The following ASIC2 variants were observed in gnomAD, a reference collection of about 807,000 sequenced individuals.
ASIC2 encodes the protein acid sensing ion channel subunit 2, also known as acid-sensing ion channel 2.
ASIC2 carries 25 observed loss-of-function variants against 57.3 expected under a neutral mutation model. That is an observed-to-expected ratio of 0.44 (90% CI 0.32 to 0.61). The LOEUF (loss-of-function observed/expected upper bound fraction) is 0.61. Ranked by LOEUF, ASIC2 falls within the 20% of genes least tolerant of loss-of-function variation. ASIC2 has a pLI of 0.06. For missense variants in ASIC2, 641 were observed against 738.1 expected (o/e 0.87, Z 1.52); for synonymous variants, 319 against 307.5 (o/e 1.04, Z -0.39).
At chr17:33,517,324 C>T (rs1032506447) in intron 1 of ASIC2, among the ~76,000 whole-genome samples, 2 of 152,164 alleles carry the variant, frequency 1.3e-5, no homozygotes, top group Admixed American at 1.3e-4. Flanking sequence ...CCATGTTGGC[C>T]AGGCTGGTCT....
At chr17:34,118,408 CTA>C (rs1258585238) in intron 1 of ASIC2, 2 of 152,094 alleles carry the variant, frequency 1.3e-5, no homozygotes, top group East Asian at 3.9e-4. Context: ...TTGGAGGAGA[CTA>C]TTGATCAGAG....
intron 1 of ASIC2, among the ~76,000 whole-genome samples, chr17:33,301,178 C>A (rs1005535435): frequency 2.0e-5 from 3 of 151,728 alleles, no homozygotes; most frequent in East Asian, 1.9e-4. Flanking sequence ...CACAGGTGTG[C>A]ACCACCATGC....
chr17:33,242,313 CAAA>C (rs34667054), intron 1 of ASIC2, among the ~76,000 whole-genome samples: 36 of 110,850 alleles, frequency 3.2e-4, no homozygotes, highest in Non-Finnish European at 3.4e-4. Flanking sequence ...GAGACTCCGT[CAAA>C]AAAAAAAAAA....
At chr17:33,149,266 G>A (rs1165780765) in intron 1 of ASIC2, among the ~76,000 whole-genome samples, 1 of 152,098 alleles carries the variant, frequency 6.6e-6, no homozygotes. Context: ...TAATGTTTTG[G>A]TGTTTTTCCA....
intron 3 of ASIC2, among the ~76,000 whole-genome samples, chr17:33,035,115 T>C (rs551146305): frequency 6.6e-6 from 1 of 152,320 alleles, no homozygotes; most frequent in East Asian, 1.9e-4. Flanking sequence ...ATTGATTCCA[T>C]GCAACAATTT....
At chr17:33,764,954 G>T (rs1442704657) in intron 1 of ASIC2, among the ~76,000 whole-genome samples, 1 of 152,102 alleles carries the variant, frequency 6.6e-6, no homozygotes, top group Non-Finnish European at 1.5e-5. Flanking sequence ...GTATGCTGAT[G>T]CTGACCTGTA....
chr17:34,068,291 C>T (rs1014252919), intron 1 of ASIC2, among the ~76,000 whole-genome samples: 8 of 152,264 alleles, frequency 5.3e-5, no homozygotes, highest in East Asian at 3.9e-4. Flanking sequence ...AATCAGCTTT[C>T]GGGGTCTGCC....
intron 1 of ASIC2, among the ~76,000 whole-genome samples, chr17:33,259,962 G>A (rs1003533251): frequency 2.0e-5 from 3 of 152,188 alleles, no homozygotes; most frequent in South Asian, 2.1e-4. Context: ...ACTTTGGGAC[G>A]CTCTATATTA....
At chr17:33,975,446 A>G (rs566434201) in intron 1 of ASIC2, among the ~76,000 whole-genome samples, 6 of 152,258 alleles carry the variant, frequency 3.9e-5, no homozygotes, top group Admixed American at 3.9e-4. Context: ...AAGGAAACCC[A>G]AAGTCATGAT....
chr17:33,860,241 T>C (rs1914069853), intron 1 of ASIC2, among the ~76,000 whole-genome samples: 1 of 152,200 alleles, frequency 6.6e-6, no homozygotes, highest in Non-Finnish European at 1.5e-5. Flanking sequence ...CTTCACCTTC[T>C]TCCCTCCAGG....
At chr17:33,619,932 C>A (rs991234120) in intron 1 of ASIC2, among the ~76,000 whole-genome samples, 1 of 152,032 alleles carries the variant, frequency 6.6e-6, no homozygotes, top group African/African-American at 2.4e-5. Context: ...CAAAAGAAAG[C>A]CGTGCAATGC....
At chr17:33,308,881 T>C (rs980263225) in intron 1 of ASIC2, among the ~76,000 whole-genome samples, 1 of 152,192 alleles carries the variant, frequency 6.6e-6, no homozygotes, top group African/African-American at 2.4e-5. Context: ...CGTTCAATGA[T>C]AACTATCGAT....
At chr17:33,589,372 C>T (rs1432395759) in intron 1 of ASIC2, among the ~76,000 whole-genome samples, 1 of 152,100 alleles carries the variant, frequency 6.6e-6, no homozygotes, top group Non-Finnish European at 1.5e-5. Context: ...ATAAACATAA[C>T]AAAGTTTATT....
chr17:33,317,960 G>A (rs540990290), intron 1 of ASIC2, among the ~76,000 whole-genome samples: 8 of 151,618 alleles, frequency 5.3e-5, no homozygotes, highest in African/African-American at 1.5e-4. Context: ...TTGTAGGTGG[G>A]GCAAGGAGAA....
chr17:33,422,151 T>C (rs1854846793), intron 1 of ASIC2, among the ~76,000 whole-genome samples: 1 of 152,228 alleles, frequency 6.6e-6, no homozygotes. Flanking sequence ...GCTGCTTCTG[T>C]AGGCATGCCA....
chr17:33,821,610 T>C (rs1375246350), intron 1 of ASIC2, among the ~76,000 whole-genome samples: 1 of 152,216 alleles, frequency 6.6e-6, no homozygotes, highest in Non-Finnish European at 1.5e-5. Context: ...CAGCCTTGTT[T>C]CCCAAGTCTA....
intron 1 of ASIC2, among the ~76,000 whole-genome samples, chr17:34,045,175 A>G (rs1386659389): frequency 1.3e-5 from 2 of 152,162 alleles, no homozygotes; most frequent in East Asian, 1.9e-4. Context: ...AATCCTGCCT[A>G]GCATCCAAAA....
chr17:33,445,043 C>A (rs376999215), intron 1 of ASIC2, among the ~76,000 whole-genome samples: 13 of 152,246 alleles, frequency 8.5e-5, no homozygotes, highest in African/African-American at 2.6e-4. Flanking sequence ...TACTAACTGG[C>A]CCTTTGCAGA....
At chr17:33,507,560 T>A (rs1914302766) in intron 1 of ASIC2, among the ~76,000 whole-genome samples, 1 of 152,236 alleles carries the variant, frequency 6.6e-6, no homozygotes, top group South Asian at 2.1e-4. Context: ...CTCTGTCATA[T>A]ATGCTTTCAT....
Sources: allele counts gnomAD v4.1 joint callset (sites outside exome capture counted in the v4.1 genomes callset), GRCh38; gene constraint gnomAD v4.1.1; transcripts MANE v1.5; gene names NCBI Gene and HGNC (gene_info 2026-07-23, HGNC 2026-07-21).